The following GRB14 variants were observed in gnomAD, a reference collection of about 807,000 sequenced individuals.
GRB14 encodes the protein growth factor receptor-bound protein 14.
Under a neutral mutation model 69.1 loss-of-function variants are expected in GRB14, and 38 were observed. The observed-to-expected ratio is 0.55, with a 90% CI of 0.42 to 0.72. The LOEUF (loss-of-function observed/expected upper bound fraction) is 0.72, where lower values mean the gene tolerates loss of function less well. Ranked by LOEUF, GRB14 falls within the 30% of genes least tolerant of loss-of-function variation. The pLI, the probability that GRB14 is intolerant of heterozygous loss-of-function variation, is 0.00. For synonymous variants in GRB14, 247 were observed against 241.3 expected (o/e 1.02, Z -0.22); for missense variants, 666 against 666.1 (o/e 1.00, Z 0.00).
At chr2:164,612,016 G>C (rs569242809) in intron 2 of GRB14, among the ~76,000 whole-genome samples, 5 of 152,266 alleles carry the variant, frequency 3.3e-5, no homozygotes, top group South Asian at 2.1e-4. Flanking sequence ...CTCAGGTACA[G>C]AAAGGGTGAG....
intron 2 of GRB14, among the ~76,000 whole-genome samples, chr2:164,593,700 G>T (rs1353018245): frequency 6.6e-6 from 1 of 152,114 alleles, no homozygotes; most frequent in African/African-American, 2.4e-5. Flanking sequence ...GGACAGTACC[G>T]TGGCAGCCCT....
intron 2 of GRB14, among the ~76,000 whole-genome samples, chr2:164,571,552 A>G (rs1689123244): frequency 6.6e-6 from 1 of 152,176 alleles, no homozygotes. Context: ...GTCACTTAAA[A>G]TATTTTCATA....
At chr2:164,511,990 G>A (rs780151396) in intron 6 of GRB14, among the ~76,000 whole-genome samples, 1 of 152,062 alleles carries the variant, frequency 6.6e-6, no homozygotes, top group African/African-American at 2.4e-5. Flanking sequence ...ATCAGCAGTT[G>A]CTAGCAGTAC....
In GRB14 at chr2:164,492,898, G is replaced by A; in HGVS notation, c.*138C>T. On this transcript the variant is annotated 3_prime_UTR_variant, in exon 14 of 14. Transcript: ENST00000263915. ...ATCCAAGTCTTTGCTTATTTGCAAT[G>A]CACAAACTATTTTTTTGTAACTTGC... 1.5e-6 allele frequency: 1 copy of A among 688,700 alleles called. No homozygotes were observed. The highest frequency in any genetic ancestry group is 3.3e-5 in the Admixed American group (1 of 30,162). 42.7% of individuals were successfully genotyped at this position (688,700 alleles called of 1,614,324 possible). A position where few individuals can be genotyped will look rare whatever the true frequency, so the allele number is the denominator to read the frequency against.
At chr2:164,568,259 G>A (rs1483887290) in intron 2 of GRB14, 1 of 1,096,252 alleles carries the variant, frequency 9.1e-7, no homozygotes, top group Non-Finnish European at 1.2e-6. Context: ...CACAGTAACA[G>A]GGGAAAAAAA....
chr2:164,601,868 A>G (rs1280948430), intron 2 of GRB14, among the ~76,000 whole-genome samples: 1 of 152,000 alleles, frequency 6.6e-6, no homozygotes, highest in African/African-American at 2.4e-5. Context: ...AAATATTTTT[A>G]TATTTAAATT....
chr2:164,595,997 G>A (rs949965588), intron 2 of GRB14, among the ~76,000 whole-genome samples: 12 of 152,060 alleles, frequency 7.9e-5, no homozygotes, highest in Admixed American at 6.6e-4. Flanking sequence ...GGTGGCATGC[G>A]CCTGTAGTCC....
At chr2:164,513,110 T>TAGAA (rs1687382279) in intron 6 of GRB14, among the ~76,000 whole-genome samples, 1 of 152,118 alleles carries the variant, frequency 6.6e-6, no homozygotes. Flanking sequence ...TCTCTCTTTC[T>TAGAA]CTTTCCTTCC....
chr2:164,568,419 C>A (rs1264810367), intron 2 of GRB14: 2 of 1,257,022 alleles, frequency 1.6e-6, no homozygotes, highest in Admixed American at 2.6e-5. Context: ...AGGTCATGGA[C>A]AAAATAAAAG....
chr2:164,496,890 C>G (rs1300608100), intron 12 of GRB14, 118 bp downstream of exon 12: 2 of 737,974 alleles, frequency 2.7e-6, no homozygotes, highest in Non-Finnish European at 4.7e-6. Context: ...AGAACAATGT[C>G]ACTTCTGTTT....
rs187886108 is a variant in GRB14, at chr2:164,601,323, C to T, written c.324+18364G>A. 9.9e-5 allele frequency among the ~76,000 whole-genome samples: 15 copies of T among 151,972 alleles called. No individual in the cohort carries two copies. The East Asian group carries it at 2.7e-3, about 27-fold the overall frequency. ...TTGATATTTCATAAAGGCAGTATAC[C>T]GATACCATAAGAAAAACACTATGGA... On this transcript the variant is annotated intron_variant, in intron 2 of 13. Transcript: ENST00000263915.
intron 3 of GRB14, among the ~76,000 whole-genome samples, chr2:164,529,884 T>C (rs1687878030): frequency 2.0e-5 from 3 of 152,208 alleles, no homozygotes; most frequent in South Asian, 4.1e-4. Flanking sequence ...TATAACTTAG[T>C]CATTTGTTCA....
At chr2:164,526,954 T>C (rs1687787792) in intron 4 of GRB14, 60 bp downstream of exon 4, 1 of 1,251,654 alleles carries the variant, frequency 8.0e-7, no homozygotes. Context: ...ACTATCTTCT[T>C]CACATAAAAT....
chr2:164,502,203 T>C, intron 9 of GRB14, 52 bp downstream of exon 9: 1 of 871,198 alleles, frequency 1.1e-6, no homozygotes, highest in Admixed American at 1.7e-5. Flanking sequence ...TAATTTAAAT[T>C]AATATAATGT....
intron 6 of GRB14, among the ~76,000 whole-genome samples, chr2:164,512,767 T>C (rs953961336): frequency 2.0e-5 from 3 of 152,060 alleles, no homozygotes; most frequent in Non-Finnish European, 4.4e-5. Flanking sequence ...TGGGGGAAAA[T>C]ATGGGAAAAA....
At chr2:164,592,129 T>G (rs113740616) in intron 2 of GRB14, among the ~76,000 whole-genome samples, 2,977 of 152,046 alleles carry the variant, frequency 0.02, 78 homozygotes, top group East Asian at 0.086. Context: ...ATGGGTTTTT[T>G]TTTTGTTTTG....
At chr2:164,566,479 A>C (rs1688977919) in intron 2 of GRB14, among the ~76,000 whole-genome samples, 1 of 152,160 alleles carries the variant, frequency 6.6e-6, no homozygotes, top group East Asian at 1.9e-4. Context: ...AAATATTATA[A>C]CAGAAACTTG....
chr2:164,574,886 C>T (rs1158277513), intron 2 of GRB14, among the ~76,000 whole-genome samples: 8 of 151,524 alleles, frequency 5.3e-5, no homozygotes, highest in African/African-American at 1.5e-4. Flanking sequence ...TGAGGCTGCA[C>T]TCCACTGAAC....
chr2:164,544,291 A>C (rs187867852), intron 3 of GRB14, among the ~76,000 whole-genome samples: 25 of 152,314 alleles, frequency 1.6e-4, no homozygotes, highest in Non-Finnish European at 2.9e-4. Flanking sequence ...TTTATTCCTT[A>C]ATACAAATAA....
Sources: allele counts gnomAD v4.1 joint callset (sites outside exome capture counted in the v4.1 genomes callset), GRCh38; gene constraint gnomAD v4.1.1; transcripts MANE v1.5; gene names NCBI Gene and HGNC (gene_info 2026-07-23, HGNC 2026-07-21).